The following ASB7 variants were observed in gnomAD, a reference collection of about 807,000 sequenced individuals.
ASB7 encodes ankyrin repeat and SOCS box protein 7.
In ASB7, 4 loss-of-function variants were observed where a neutral mutation model predicts 32.5. The ratio of observed to expected loss-of-function variants is 0.12; its 90% CI spans 0.06 to 0.28. ASB7 has a LOEUF of 0.28. ASB7 is among the 10% of genes least tolerant of loss of function. The probability of loss-of-function intolerance (pLI) is 1.00; values close to 1 mark genes in which losing one functional copy is unlikely to be tolerated. For missense variants in ASB7, 181 were observed against 407.1 expected (o/e 0.44, Z 4.78); for synonymous variants, 172 against 155.6 (o/e 1.11, Z -0.78).
intron 4 of ASB7, among the ~76,000 whole-genome samples, chr15:100,621,752 T>A (rs2141394948): frequency 6.6e-6 from 1 of 151,204 alleles, no homozygotes; most frequent in Admixed American, 6.6e-5. Context: ...ATAATTGAAA[T>A]CAGTGGAATT....
chr15:100,624,404 TACTC>T lies in ASB7; in HGVS notation c.212-5030_212-5027del, dbSNP rs1460029786. Among the ~76,000 whole-genome samples, 12 of 152,310 alleles carry T rather than the reference TACTC, an allele frequency of 7.9e-5. 1 individual carries two copies. The highest frequency in any genetic ancestry group is 1.7e-4 in the African/African-American group (7 of 41,566). ...TTACACATTCTGTGCATGTAATAGATACTCACATATACCCAGTAAACATGTAAAA... is the reference window on the plus strand; with the variant it reads ...TTACACATTCTGTGCATGTAATAGATACATATACCCAGTAAACATGTAAAA... On this transcript the variant is annotated intron_variant, in intron 4 of 5. Coordinates refer to ENST00000332783, the MANE Select transcript of ASB7 (RefSeq NM_198243.3).
intron 5 of ASB7, among the ~76,000 whole-genome samples, chr15:100,643,350 G>T (rs1006508742): frequency 6.6e-6 from 1 of 152,010 alleles, no homozygotes; most frequent in Non-Finnish European, 1.5e-5. Context: ...GGAGTATCCA[G>T]CCTCACTGTG....
chr15:100,642,240 A>C (rs11631248), intron 5 of ASB7, among the ~76,000 whole-genome samples: 54,432 of 152,156 alleles, frequency 0.36, 11,680 homozygotes, highest in East Asian at 0.84. Context: ...GGATGGTAGC[A>C]TTTCTGTCAG....
intron 5 of ASB7, 52 bp downstream of exon 5, chr15:100,630,094 TGAG>T (rs2039872637): frequency 2.0e-6 from 3 of 1,470,250 alleles, no homozygotes; most frequent in Non-Finnish European, 9.0e-7. Context: ...TTGCATCTTC[TGAG>T]GAGCTTAATG....
At chr15:100,612,457 C>T (rs752121225) in intron 4 of ASB7, 30 bp downstream of exon 4, 1 of 1,548,256 alleles carries the variant, frequency 6.5e-7, no homozygotes, top group Non-Finnish European at 8.9e-7. Context: ...ATCTTTTTCC[C>T]CATGGAGAAA....
intron 5 of ASB7, chr15:100,645,539 T>G (rs370084174): frequency 4.5e-6 from 3 of 672,974 alleles, no homozygotes; most frequent in African/African-American, 1.8e-5. Context: ...AGCCACATCA[T>G]AGAGAGGAGC....
chr15:100,613,052 C>T (rs2039710313), intron 4 of ASB7, among the ~76,000 whole-genome samples: 1 of 152,106 alleles, frequency 6.6e-6, no homozygotes. Flanking sequence ...GTTTTTAAAC[C>T]AATGATTGTC....
chr15:100,638,525 T>G (rs1254557549), intron 5 of ASB7: 1 of 152,184 alleles, frequency 6.6e-6, no homozygotes, highest in African/African-American at 2.4e-5. Flanking sequence ...CACATCAGTT[T>G]GGAAGATAGG....
chr15:100,625,519 G>A (rs966350618), intron 4 of ASB7, among the ~76,000 whole-genome samples: 11 of 152,096 alleles, frequency 7.2e-5, no homozygotes, highest in African/African-American at 2.4e-4. Context: ...TATGCATGAC[G>A]TATATAAGCT....
intron 4 of ASB7, among the ~76,000 whole-genome samples, chr15:100,626,201 C>G (rs2039835494): frequency 6.6e-6 from 1 of 152,006 alleles, no homozygotes; most frequent in African/African-American, 2.4e-5. Flanking sequence ...AAAAAGCACG[C>G]AACAAACTAG....
At chr15:100,620,844 A>G (rs901993061) in intron 4 of ASB7, among the ~76,000 whole-genome samples, 1 of 152,258 alleles carries the variant, frequency 6.6e-6, no homozygotes, top group Admixed American at 6.5e-5. Context: ...CTTCAGATTC[A>G]GTGTTTATGC....
intron 4 of ASB7, among the ~76,000 whole-genome samples, chr15:100,619,484 C>T (rs1156281669): frequency 1.3e-5 from 2 of 152,132 alleles, no homozygotes; most frequent in Non-Finnish European, 2.9e-5. Context: ...TGAAGTAAAT[C>T]AAGAATAACT....
chr15:100,612,437 G>A lies in ASB7; in HGVS notation c.211+10G>A, dbSNP rs368632201. The A allele has an allele frequency of 6.3e-7, 1 of 1,587,812 alleles. No individual in the cohort carries two copies. The highest frequency in any genetic ancestry group is 8.7e-7 in the Non-Finnish European group (1 of 1,155,920). ...TTTCTAGAACACGGAGGTGAGTTTT[G>A]TAGAAGCAAATCTTTTTCCCCATGG... On this transcript the variant is annotated intron_variant, in intron 4 of 5. Transcript: ENST00000332783.
At chr15:100,614,831 G>A (rs2039728336) in intron 4 of ASB7, among the ~76,000 whole-genome samples, 2 of 151,980 alleles carry the variant, frequency 1.3e-5, no homozygotes, top group Non-Finnish European at 2.9e-5. Context: ...AGCTGTCCTG[G>A]GCTGCATGCC....
chr15:100,646,999 C>T (rs1001328643), intron 5 of ASB7, among the ~76,000 whole-genome samples: 3 of 125,350 alleles, frequency 2.4e-5, no homozygotes, highest in African/African-American at 9.0e-5. Flanking sequence ...AAAAGCTTTG[C>T]AAAAATGTGA....
chr15:100,606,990 T>TA (rs1216580877), intron 2 of ASB7, among the ~76,000 whole-genome samples: 4 of 152,044 alleles, frequency 2.6e-5, no homozygotes, highest in Non-Finnish European at 5.9e-5. Flanking sequence ...TCGTCTCTAC[T>TA]AAAAATACAT....
intron 5 of ASB7, among the ~76,000 whole-genome samples, chr15:100,641,304 CA>C (rs912543796): frequency 1.1e-4 from 17 of 152,012 alleles, no homozygotes; most frequent in African/African-American, 3.9e-4. Context: ...GATCTGTTGA[CA>C]AAAAAATAAG....
intron 5 of ASB7, among the ~76,000 whole-genome samples, chr15:100,635,363 A>G (rs560234465): frequency 4.6e-5 from 7 of 152,200 alleles, no homozygotes; most frequent in Non-Finnish European, 1.0e-4. Context: ...TTGTCTCTCC[A>G]GACTGTGTTT....
chr15:100,645,928 A>C, intron 5 of ASB7: 1 of 620,002 alleles, frequency 1.6e-6, no homozygotes, highest in South Asian at 1.6e-5. Flanking sequence ...GAAGGTCACT[A>C]TGGGAGTCCT....
Sources: allele counts gnomAD v4.1 joint callset (sites outside exome capture counted in the v4.1 genomes callset), GRCh38; gene constraint gnomAD v4.1.1; transcripts MANE v1.5; gene names NCBI Gene and HGNC (gene_info 2026-07-23, HGNC 2026-07-21).